The following RORB variants were observed in gnomAD, a reference collection of about 807,000 sequenced individuals.
RORB encodes RAR related orphan receptor B, also known as nuclear receptor ROR-beta.
RORB carries 6 observed loss-of-function variants against 59.1 expected under a neutral mutation model. The observed-to-expected ratio is 0.10, with a 90% CI of 0.06 to 0.20. RORB has a LOEUF of 0.20. Among genes scored for constraint, RORB ranks in the 10% least tolerant of loss-of-function variants. The pLI is 1.00. For synonymous variants in RORB, 215 were observed against 204.5 expected, an observed-to-expected ratio of 1.05 and a Z score of -0.44; for missense variants, 320 against 560.5, an observed-to-expected ratio of 0.57 and a Z score of 4.33.
chr9:74,515,419 TTATTA>T (rs1166413292), intron 1 of RORB, among the ~76,000 whole-genome samples: 1 of 152,006 alleles, frequency 6.6e-6, no homozygotes, highest in Non-Finnish European at 1.5e-5. Flanking sequence ...TCACTGAATA[TTATTA>T]TACCCATTGT....
At chr9:74,587,490 C>A (rs573063135) in intron 1 of RORB, among the ~76,000 whole-genome samples, 1 of 152,118 alleles carries the variant, frequency 6.6e-6, no homozygotes, top group African/African-American at 2.4e-5. Flanking sequence ...AACTTAGGAA[C>A]CTGTAAAAAC....
rs188084153 is a variant in RORB, at chr9:74,573,992, G to A, written c.8-56290G>A. 5.3e-5 allele frequency among the ~76,000 whole-genome samples: 8 copies of A among 152,246 alleles called. No individual in the cohort carries two copies. The East Asian group carries it at 1.5e-3, about 29-fold the overall frequency. On this transcript the variant is annotated intron_variant, in intron 1 of 9. Transcript: ENST00000376896. ...AGGCACCCTCTCGGAATGCGTGGGAGGCCAGGCCATTATCTGAGCAGTATT... is the reference window on the plus strand; with the variant it reads ...AGGCACCCTCTCGGAATGCGTGGGAAGCCAGGCCATTATCTGAGCAGTATT...
At chr9:74,530,940 T>C (rs1482478541) in intron 1 of RORB, among the ~76,000 whole-genome samples, 2 of 152,050 alleles carry the variant, frequency 1.3e-5, no homozygotes, top group East Asian at 3.9e-4. Flanking sequence ...GTTCTTAATT[T>C]TTTTTCCTTT....
At chr9:74,582,146 G>A (rs1189568438) in intron 1 of RORB, among the ~76,000 whole-genome samples, 1 of 152,112 alleles carries the variant, frequency 6.6e-6, no homozygotes, top group African/African-American at 2.4e-5. Context: ...CACTCAAAAT[G>A]GCATTGTGCT....
chr9:74,559,312 T>TC (rs1165153355), intron 1 of RORB, among the ~76,000 whole-genome samples: 2 of 152,104 alleles, frequency 1.3e-5, no homozygotes, highest in Non-Finnish European at 2.9e-5. Flanking sequence ...GTAGAGTGAA[T>TC]CATTATACCT....
intron 1 of RORB, among the ~76,000 whole-genome samples, chr9:74,605,929 G>A (rs1438821261): frequency 1.3e-5 from 2 of 152,064 alleles, no homozygotes. Flanking sequence ...CAGTAGACTC[G>A]AGGTGGGTCA....
chr9:74,657,990 G>A (rs1191019186), intron 4 of RORB, among the ~76,000 whole-genome samples: 1 of 112,776 alleles, frequency 8.9e-6, no homozygotes, highest in African/African-American at 3.6e-5. Flanking sequence ...GGGCAACACA[G>A]TGAGACTCGG....
rs1002596675 is a variant in RORB, at chr9:74,675,956, T to C, written c.1224+4055T>C. The stretch of plus-strand genomic sequence containing the variant: ...TATAAAGACTGTTGCTCTTCCATTC[T>C]AGGGCTTTCTCTATTAAAGTCACTG... On this transcript the variant is annotated intron_variant, in intron 9 of 9. Coordinates refer to ENST00000376896, the MANE Select transcript of RORB (RefSeq NM_006914.4). 5.3e-5 allele frequency among the ~76,000 whole-genome samples: 8 copies of C among 152,340 alleles called. No homozygotes were observed. The South Asian group carries it at 6.2e-4, about 12-fold the overall frequency.
At chr9:74,667,007 C>T (rs758251824) in intron 7 of RORB, among the ~76,000 whole-genome samples, 4 of 152,202 alleles carry the variant, frequency 2.6e-5, no homozygotes, top group Non-Finnish European at 5.9e-5. Flanking sequence ...ACAAGTCCAT[C>T]GGGGCTGGCA....
chr9:74,611,486 C>T (rs1823231152), intron 1 of RORB, among the ~76,000 whole-genome samples: 2 of 152,142 alleles, frequency 1.3e-5, no homozygotes, highest in African/African-American at 2.4e-5. Context: ...TAAACATCAG[C>T]AAGCAAGGAA....
At chr9:74,549,289 CA>C (rs1826552107) in intron 1 of RORB, among the ~76,000 whole-genome samples, 1 of 151,768 alleles carries the variant, frequency 6.6e-6, no homozygotes, top group Non-Finnish European at 1.5e-5. Context: ...ACTAAAAATA[CA>C]AAAATTAGCT....
intron 9 of RORB, among the ~76,000 whole-genome samples, chr9:74,682,276 C>A (rs1464633772): frequency 8.7e-6 from 1 of 115,032 alleles, no homozygotes; most frequent in Non-Finnish European, 1.7e-5. Flanking sequence ...TTCACCGGGG[C>A]CTGTTGTGGG....
At chr9:74,575,578 A>G (rs549918535) in intron 1 of RORB, among the ~76,000 whole-genome samples, 61 of 152,242 alleles carry the variant, frequency 4.0e-4, no homozygotes, top group Non-Finnish European at 7.5e-4. Flanking sequence ...ATTATCTTCC[A>G]GGACAAATGG....
At chr9:74,531,439 T>C (rs1316537354) in intron 1 of RORB, among the ~76,000 whole-genome samples, 1 of 152,000 alleles carries the variant, frequency 6.6e-6, no homozygotes, top group East Asian at 1.9e-4. Context: ...CTGGAAATAC[T>C]GAGAAGCTGA....
At chr9:74,652,152 G>A (rs909787532) in intron 4 of RORB, among the ~76,000 whole-genome samples, 3 of 152,204 alleles carry the variant, frequency 2.0e-5, no homozygotes, top group Non-Finnish European at 2.9e-5. Flanking sequence ...AGCCAGGCGC[G>A]GTGGCTCACT....
At chr9:74,635,162 G>A (rs1178796666) in intron 3 of RORB, among the ~76,000 whole-genome samples, 1 of 152,154 alleles carries the variant, frequency 6.6e-6, no homozygotes, top group African/African-American at 2.4e-5. Context: ...TCACTGGGCA[G>A]GTCTGACTGG....
intron 1 of RORB, among the ~76,000 whole-genome samples, chr9:74,605,749 C>T (rs1307889896): frequency 2.0e-5 from 3 of 152,192 alleles, no homozygotes; most frequent in Admixed American, 6.5e-5. Context: ...ATATTGTGCA[C>T]GTGATTTAGA....
intron 4 of RORB, among the ~76,000 whole-genome samples, chr9:74,654,333 G>GGAGAGAGAGAGAGAGAGAGA (rs60137307): frequency 2.2e-5 from 3 of 138,616 alleles, no homozygotes; most frequent in African/African-American, 8.0e-5. Context: ...CAGTCTCAGG[G>GGAGAGAGAGAGAGAGAGAGA]GAGAGAGAGA....
chr9:74,618,343 G>A (rs939743443), intron 1 of RORB, among the ~76,000 whole-genome samples: 1 of 152,102 alleles, frequency 6.6e-6, no homozygotes, highest in African/African-American at 2.4e-5. Context: ...GAAGAGAAAT[G>A]TTAGTAGAAT....
Sources: gnomAD v4.1 joint callset for allele counts (sites outside exome capture counted in the v4.1 genomes callset) on GRCh38, gnomAD v4.1.1 for gene constraint, MANE v1.5 for transcripts, NCBI Gene and HGNC (gene_info 2026-07-23, HGNC 2026-07-21) for gene names.